The following CNTN4 variants were observed in gnomAD, a reference collection of about 807,000 sequenced individuals.
CNTN4 encodes contactin 4, also known as contactin-4.
Under a neutral mutation model 122.5 loss-of-function variants are expected in CNTN4, and 77 were observed. That is an observed-to-expected ratio of 0.63 (90% CI 0.52 to 0.76). CNTN4 has a LOEUF of 0.76. CNTN4 is among the 30% of genes least tolerant of loss of function. CNTN4 has a pLI of 0.00. For synonymous variants in CNTN4, 512 were observed against 447.0 expected, an observed-to-expected ratio of 1.15 and a Z score of -1.83; for missense variants, 1,256 against 1,259.1, an observed-to-expected ratio of 1.00 and a Z score of 0.04.
intron 4 of CNTN4, among the ~76,000 whole-genome samples, chr3:2,632,666 T>G (rs1206836964): frequency 6.6e-6 from 1 of 152,182 alleles, no homozygotes. Context: ...GCCAAAATAT[T>G]GTACCAAATA....
chr3:2,242,120 A>G (rs1049070530), intron 2 of CNTN4, among the ~76,000 whole-genome samples: 4 of 152,188 alleles, frequency 2.6e-5, no homozygotes, highest in Non-Finnish European at 4.4e-5. Context: ...CATTAAATGC[A>G]TAATAACTTT....
At chr3:2,351,612 C>A (rs1489793559) in intron 3 of CNTN4, among the ~76,000 whole-genome samples, 3 of 152,130 alleles carry the variant, frequency 2.0e-5, no homozygotes, top group Non-Finnish European at 4.4e-5. Context: ...AGCGTGATTT[C>A]TTCACGCTAC....
intron 6 of CNTN4, among the ~76,000 whole-genome samples, chr3:2,818,493 A>T (rs1223256244): frequency 1.3e-5 from 2 of 152,200 alleles, no homozygotes; most frequent in South Asian, 4.1e-4. Context: ...AACCCTGCAC[A>T]ACATACTTGA....
intron 3 of CNTN4, among the ~76,000 whole-genome samples, chr3:2,353,878 G>A (rs376734436): frequency 6.4e-4 from 97 of 152,106 alleles, no homozygotes; most frequent in African/African-American, 2.3e-3. Flanking sequence ...CAGCCTGGGC[G>A]ACAGAGCGAG....
At position 3,026,161 on chromosome 3, in the gene CNTN4, G is replaced by C. The variant is rs1698699847; in HGVS notation, c.1546G>C (p.Val516Leu). 5 of 1,613,422 alleles carry C rather than the reference G, an allele frequency of 3.1e-6. No individual in the cohort carries two copies. Among genetic ancestry groups the C allele is most frequent in the Non-Finnish European group, 4.2e-6 (5 of 1,179,538 alleles). Reference sequence around the variant, plus strand: ...GGATGTCACTGTTGGAGAGAGTATTGTTTTACCGTGCCAGGTAACGCATGA... The same window carrying C: ...GGATGTCACTGTTGGAGAGAGTATTCTTTTACCGTGCCAGGTAACGCATGA... ...SMDVTVGESI[V>L]LPCQVTHDHS... Residue 516 changes from valine to leucine, a missense_variant, in exon 15 of 25, where the codon GTT becomes CTT. By Grantham distance (32) the Val-to-Leu change is conservative (BLOSUM62 1). Coordinates refer to ENST00000418658, the MANE Select transcript of CNTN4 (RefSeq NM_175607.3).
At chr3:2,585,399 T>A (rs533751564) in intron 4 of CNTN4, among the ~76,000 whole-genome samples, 18 of 151,692 alleles carry the variant, frequency 1.2e-4, no homozygotes, top group African/African-American at 3.9e-4. Context: ...CGTATGTTTA[T>A]TGCGGCACTA....
At chr3:2,480,005 T>C (rs2075944486) in intron 3 of CNTN4, among the ~76,000 whole-genome samples, 2 of 151,770 alleles carry the variant, frequency 1.3e-5, no homozygotes, top group South Asian at 4.1e-4. Context: ...ATCAGTAGGC[T>C]AAAGAAGAAA....
chr3:2,632,367 C>A (rs2082481030), intron 4 of CNTN4, among the ~76,000 whole-genome samples: 1 of 152,140 alleles, frequency 6.6e-6, no homozygotes, highest in South Asian at 2.1e-4. Flanking sequence ...TTCTTCATAA[C>A]ACTGGAAAAA....
At chr3:2,684,589 T>C (rs201553688) in intron 4 of CNTN4, among the ~76,000 whole-genome samples, 3 of 98,298 alleles carry the variant, frequency 3.1e-5, no homozygotes, top group East Asian at 2.8e-4. Flanking sequence ...GCTAATAACA[T>C]TGGACCCTGA....
intron 3 of CNTN4, among the ~76,000 whole-genome samples, chr3:2,526,646 T>C (rs10510233): frequency 0.12 from 18,571 of 152,158 alleles, 1,437 homozygotes; most frequent in Middle Eastern, 0.18. Flanking sequence ...TGTACTTTTT[T>C]GAAATGGTGA....
chr3:2,179,563 A>G (rs1377652302), intron 2 of CNTN4, among the ~76,000 whole-genome samples: 2 of 152,000 alleles, frequency 1.3e-5, no homozygotes, highest in Non-Finnish European at 2.9e-5. Context: ...TGTGTTTTTC[A>G]TGTCCAACAC....
chr3:2,422,211 G>A (rs2047644869), intron 3 of CNTN4, among the ~76,000 whole-genome samples: 1 of 152,178 alleles, frequency 6.6e-6, no homozygotes, highest in South Asian at 2.1e-4. Context: ...AAGTCAATTT[G>A]TGTTATCCCC....
intron 3 of CNTN4, among the ~76,000 whole-genome samples, chr3:2,565,748 C>A (rs1481704660): frequency 6.6e-6 from 1 of 152,154 alleles, no homozygotes; most frequent in African/African-American, 2.4e-5. Flanking sequence ...TGGCATATTG[C>A]TTTCTGAGGA....
intron 3 of CNTN4, among the ~76,000 whole-genome samples, chr3:2,397,257 T>C (rs2046674211): frequency 6.6e-6 from 1 of 152,210 alleles, no homozygotes; most frequent in Non-Finnish European, 1.5e-5. Context: ...ATTTTTCTTA[T>C]GCGAATTACA....
rs544391534 is a variant in CNTN4 at position 2,325,025 on chromosome 3, G to T, written c.-144-14153G>T. Reference sequence around the variant, plus strand: ...CTCTTATAGTAGTTCTCAAAGTCTGGTCGAGGAAACCTGAAGGGGTAGTGA... The same window carrying T: ...CTCTTATAGTAGTTCTCAAAGTCTGTTCGAGGAAACCTGAAGGGGTAGTGA... On this transcript the variant is annotated intron_variant, in intron 2 of 24. Transcript: ENST00000418658. 5.9e-5 allele frequency among the ~76,000 whole-genome samples: 9 copies of T among 152,266 alleles called. No individual in the cohort carries two copies. The South Asian group carries it at 1.9e-3, about 32-fold the overall frequency.
chr3:2,701,388 G>C (rs1336471477), intron 4 of CNTN4, among the ~76,000 whole-genome samples: 1 of 152,186 alleles, frequency 6.6e-6, no homozygotes, highest in Non-Finnish European at 1.5e-5. Context: ...CGAGGGAGAA[G>C]ACATAAGTGA....
At chr3:2,627,923 C>T (rs888862178) in intron 4 of CNTN4, among the ~76,000 whole-genome samples, 2 of 152,298 alleles carry the variant, frequency 1.3e-5, no homozygotes, top group Non-Finnish European at 2.9e-5. Flanking sequence ...TTTGTTCTGT[C>T]GTCAAGTAAT....
At chr3:2,925,842 A>G in intron 13 of CNTN4, 63 bp downstream of exon 13, 1 of 1,440,740 alleles carries the variant, frequency 6.9e-7, no homozygotes, top group Non-Finnish European at 9.7e-7. Flanking sequence ...TCTGTTATTA[A>G]TAATTCTAAG....
At chr3:2,808,613 C>A (rs915652740) in intron 6 of CNTN4, among the ~76,000 whole-genome samples, 11 of 152,034 alleles carry the variant, frequency 7.2e-5, no homozygotes, top group Middle Eastern at 3.2e-3. Context: ...ATGCAATTTG[C>A]AAGGAGTTGT....
Sources: allele counts gnomAD v4.1 joint callset (sites outside exome capture counted in the v4.1 genomes callset), GRCh38; gene constraint gnomAD v4.1.1; transcripts MANE v1.5; gene names NCBI Gene and HGNC (gene_info 2026-07-23, HGNC 2026-07-21).